Variants in IGF1R observed in about 807,000 individuals in gnomAD.
IGF1R encodes insulin like growth factor 1 receptor.
Under a neutral mutation model 144.6 loss-of-function variants are expected in IGF1R, and 44 were observed. That is an observed-to-expected ratio of 0.30 (90% CI 0.24 to 0.39). IGF1R has a LOEUF of 0.39. Among genes scored for constraint, IGF1R ranks in the 10% least tolerant of loss-of-function variants. The pLI is 1.00. For missense variants in IGF1R, 1,355 were observed against 1,833.7 expected, an observed-to-expected ratio of 0.74 and a Z score of 4.77; for synonymous variants, 795 against 722.8, an observed-to-expected ratio of 1.10 and a Z score of -1.60.
chr15:98,741,008 T>C (rs2054726328), intron 2 of IGF1R, among the ~76,000 whole-genome samples: 2 of 152,124 alleles, frequency 1.3e-5, no homozygotes, highest in South Asian at 4.1e-4. Context: ...AAAAATTCTT[T>C]CTGAATAGAA....
chr15:98,893,520 G>A (rs1356051944), intron 3 of IGF1R: 1 of 152,208 alleles, frequency 6.6e-6, no homozygotes, highest in Non-Finnish European at 1.5e-5. Context: ...CACACCTCGG[G>A]CCCAGGGGCA....
intron 2 of IGF1R, among the ~76,000 whole-genome samples, chr15:98,776,373 A>G (rs2055715818): frequency 6.6e-6 from 1 of 151,692 alleles, no homozygotes. Context: ...GGTAGTGGAG[A>G]TGGGGTTTTG....
intron 1 of IGF1R, among the ~76,000 whole-genome samples, chr15:98,692,698 T>G (rs980354232): frequency 6.6e-6 from 1 of 152,226 alleles, no homozygotes; most frequent in Admixed American, 6.5e-5. Flanking sequence ...AAAGCCATTA[T>G]CTAAAAGCTC....
At chr15:98,759,689 A>G (rs1428939171) in intron 2 of IGF1R, among the ~76,000 whole-genome samples, 2 of 152,200 alleles carry the variant, frequency 1.3e-5, no homozygotes, top group African/African-American at 4.8e-5. Flanking sequence ...ACCTGGGGCA[A>G]TATGTCAGAT....
intron 2 of IGF1R, among the ~76,000 whole-genome samples, chr15:98,853,442 G>A (rs1257471253): frequency 6.6e-6 from 1 of 152,214 alleles, no homozygotes; most frequent in Non-Finnish European, 1.5e-5. Flanking sequence ...CTCCAAGCAG[G>A]AAGCGCAGGC....
intron 2 of IGF1R, among the ~76,000 whole-genome samples, chr15:98,727,363 G>A (rs2054385992): frequency 6.6e-6 from 1 of 152,162 alleles, no homozygotes; most frequent in Admixed American, 6.5e-5. Flanking sequence ...AAGTGATTGG[G>A]CCAGTGTAGG....
intron 2 of IGF1R, among the ~76,000 whole-genome samples, chr15:98,838,733 GACAGCTGAA>G (rs1415007718): frequency 3.9e-5 from 6 of 152,186 alleles, no homozygotes; most frequent in Admixed American, 2.0e-4. Context: ...TGGAACACAA[GACAGCTGAA>G]ATAAGCCCGT....
At chr15:98,806,004 A>G (rs1452582110) in intron 2 of IGF1R, among the ~76,000 whole-genome samples, 1 of 152,100 alleles carries the variant, frequency 6.6e-6, no homozygotes, top group East Asian at 1.9e-4. Flanking sequence ...GGGTGCCCAC[A>G]CTTCTGTCTG....
chr15:98,922,472 C>T, intron 11 of IGF1R, 41 bp downstream of exon 11: 1 of 1,597,980 alleles, frequency 6.3e-7, no homozygotes, highest in Non-Finnish European at 8.5e-7. Flanking sequence ...ACCTTCCTCA[C>T]AACCTAGTGG....
At chr15:98,864,138 C>G (rs762310497) in intron 2 of IGF1R, among the ~76,000 whole-genome samples, 1 of 152,004 alleles carries the variant, frequency 6.6e-6, no homozygotes, top group Non-Finnish European at 1.5e-5. Flanking sequence ...ACCTGTGGTC[C>G]CACTTACTTG....
intron 1 of IGF1R, among the ~76,000 whole-genome samples, chr15:98,655,357 C>T (rs778384320): frequency 8.5e-5 from 13 of 152,122 alleles, no homozygotes; most frequent in Non-Finnish European, 1.8e-4. Context: ...GTCAATTTTA[C>T]TCGTTTGAAA....
intron 13 of IGF1R, among the ~76,000 whole-genome samples, chr15:98,927,161 GAA>G (rs1168121537): frequency 1.3e-5 from 2 of 152,214 alleles, no homozygotes; most frequent in Non-Finnish European, 2.9e-5. Flanking sequence ...CCTTCTGATA[GAA>G]TTTTTCCAGC....
Position 98,896,784 on chromosome 15 carries a change from T to C in IGF1R, c.981T>C (p.Pro327=), listed in dbSNP as rs142914262. The C allele has an allele frequency of 1.2e-5, 19 of 1,614,166 alleles. No individual in the cohort carries two copies. The highest frequency in any genetic ancestry group is 1.6e-5 in the Non-Finnish European group (19 of 1,180,006). The part of the protein sequence containing the change: ...QSMYCIPCEG[P]CPKVCEEEKK... ...TGTACTGCATCCCTTGTGAAGGTCC[T>C]TGCCCGAAGGTCTGTGAGGAAGAAA... is the stretch of plus-strand genomic sequence containing the variant. Residue 327 remains proline, a synonymous_variant, in exon 4 of 21, where the codon CCT becomes CCC. Transcript: ENST00000650285.
intron 1 of IGF1R, among the ~76,000 whole-genome samples, chr15:98,680,310 A>C (rs989294354): frequency 4.0e-5 from 6 of 151,268 alleles, no homozygotes; most frequent in Non-Finnish European, 7.4e-5. Flanking sequence ...TCTGTCGCCC[A>C]GGCTGGAGTG....
At chr15:98,940,613 C>A (rs2016329105) in intron 18 of IGF1R, among the ~76,000 whole-genome samples, 1 of 152,100 alleles carries the variant, frequency 6.6e-6, no homozygotes, top group Admixed American at 6.5e-5. Context: ...TCATGTTAGC[C>A]AGGATGGTCT....
intron 2 of IGF1R, among the ~76,000 whole-genome samples, chr15:98,753,076 C>CA (rs1218317809): frequency 6.6e-6 from 1 of 151,756 alleles, no homozygotes; most frequent in African/African-American, 2.4e-5. Flanking sequence ...GCTAGGACTA[C>CA]AGGCACGTGC....
intron 6 of IGF1R, among the ~76,000 whole-genome samples, chr15:98,909,688 G>A (rs545333667): frequency 7.4e-4 from 113 of 152,212 alleles, no homozygotes; most frequent in Non-Finnish European, 1.3e-3. Context: ...TGTGGGCCAC[G>A]GGTTTCCTGT....
At chr15:98,870,553 A>G (rs2012729006) in intron 2 of IGF1R, among the ~76,000 whole-genome samples, 1 of 152,204 alleles carries the variant, frequency 6.6e-6, no homozygotes, top group Non-Finnish European at 1.5e-5. Context: ...CCTTCCAAGG[A>G]AAAGAAAACA....
chr15:98,942,589 G>T (rs551631470), intron 18 of IGF1R, among the ~76,000 whole-genome samples: 2 of 152,254 alleles, frequency 1.3e-5, no homozygotes, highest in East Asian at 1.9e-4. Context: ...TCTTCCTGTC[G>T]TGGCCTCCCA....
Sources: allele counts gnomAD v4.1 joint callset (sites outside exome capture counted in the v4.1 genomes callset), GRCh38; gene constraint gnomAD v4.1.1; transcripts MANE v1.5; gene names NCBI Gene and HGNC (gene_info 2026-07-23, HGNC 2026-07-21).